RANBP2: variants seen among roughly 807,000 people sequenced by gnomAD.
RANBP2 encodes E3 SUMO-protein ligase RanBP2.
Under a neutral mutation model 303.6 loss-of-function variants are expected in RANBP2, and 57 were observed. The ratio of observed to expected loss-of-function variants is 0.19; its 90% CI spans 0.15 to 0.23. The LOEUF is 0.23. RANBP2 is among the 10% of genes least tolerant of loss of function. The probability of loss-of-function intolerance (pLI) is 1.00; values close to 1 mark genes in which losing one functional copy is unlikely to be tolerated. For missense variants in RANBP2, 3,138 were observed against 3,780.8 expected, an observed-to-expected ratio of 0.83 and a Z score of 4.46; for synonymous variants, 1,167 against 1,301.5, an observed-to-expected ratio of 0.90 and a Z score of 2.23.
the RANBP2 span, among the ~76,000 whole-genome samples, chr2:108,977,707 G>A: frequency 6.6e-6 from 1 of 152,172 alleles, no homozygotes; most frequent in Non-Finnish European, 1.5e-5. Flanking sequence ...TGCTGACAAA[G>A]CCCTGGAGAT....
the RANBP2 span, chr2:109,432,765 G>C: frequency 7.5e-6 from 11 of 1,458,844 alleles, no homozygotes; most frequent in African/African-American, 1.4e-5. Flanking sequence ...TCTGTCAGCC[G>C]GGCCCAGAAG....
At chr2:109,135,511 G>T in the RANBP2 span, among the ~76,000 whole-genome samples, 1 of 152,240 alleles carries the variant, frequency 6.6e-6, no homozygotes, top group Non-Finnish European at 1.5e-5. Flanking sequence ...GTGATTGGCT[G>T]TCGTTTCAGT....
chr2:109,449,623 C>T, the RANBP2 span: 1 of 1,196,706 alleles, frequency 8.4e-7, no homozygotes, highest in South Asian at 1.6e-5. Flanking sequence ...CTAGATGAAC[C>T]AGGCGTGTGA....
the RANBP2 span, among the ~76,000 whole-genome samples, chr2:109,431,312 T>G: frequency 6.6e-6 from 1 of 152,224 alleles, no homozygotes; most frequent in Admixed American, 6.5e-5. Flanking sequence ...CTTTGGTCTC[T>G]TAGTGAACTG....
chr2:108,981,973 G>C, the RANBP2 span, among the ~76,000 whole-genome samples: 2 of 152,234 alleles, frequency 1.3e-5, no homozygotes, highest in South Asian at 4.1e-4. Context: ...CACTGTGCTA[G>C]GTGCCAGAGA....
chr2:109,607,435 T>C, the RANBP2 span, among the ~76,000 whole-genome samples: 2 of 152,152 alleles, frequency 1.3e-5, no homozygotes, highest in African/African-American at 4.8e-5. Flanking sequence ...GGGCAGTACC[T>C]GTATTATCTC....
At chr2:108,888,727 A>G in the RANBP2 span, among the ~76,000 whole-genome samples, 128 of 151,174 alleles carry the variant, frequency 8.5e-4, no homozygotes, top group African/African-American at 2.9e-3. Context: ...CCGTGTATCA[A>G]TTTTTTTTAT....
At chr2:109,116,559 C>A in the RANBP2 span, among the ~76,000 whole-genome samples, 1 of 152,294 alleles carries the variant, frequency 6.6e-6, no homozygotes, top group East Asian at 1.9e-4. Flanking sequence ...TTTTCAACTT[C>A]TTTGCCTTTG....
chr2:109,026,671 T>A, the RANBP2 span, among the ~76,000 whole-genome samples: 1 of 152,118 alleles, frequency 6.6e-6, no homozygotes, highest in Non-Finnish European at 1.5e-5. Flanking sequence ...CTCGGCACCC[T>A]CTAGGTGGGG....
At chr2:108,918,590 C>T in the RANBP2 span, among the ~76,000 whole-genome samples, 5 of 152,244 alleles carry the variant, frequency 3.3e-5, no homozygotes, top group East Asian at 1.9e-4. Flanking sequence ...TGAAAATGAG[C>T]GGGGACTGGT....
the RANBP2 span, among the ~76,000 whole-genome samples, chr2:109,287,425 T>C: frequency 1.3e-5 from 2 of 152,106 alleles, no homozygotes; most frequent in Non-Finnish European, 2.9e-5. Flanking sequence ...TATAAAATCT[T>C]TTCTTGAGGT....
chr2:109,484,955 G>A, the RANBP2 span, among the ~76,000 whole-genome samples: 632 of 152,318 alleles, frequency 4.1e-3, 2 homozygotes, highest in African/African-American at 0.013. Flanking sequence ...TAAAGTGTAC[G>A]ATTGTGTTCA....
chr2:109,700,523 T>C, the RANBP2 span, among the ~76,000 whole-genome samples: 4 of 152,022 alleles, frequency 2.6e-5, no homozygotes, highest in Non-Finnish European at 4.4e-5. Context: ...TTGCATTCTT[T>C]TGAGTGTCTG....
the RANBP2 span, among the ~76,000 whole-genome samples, chr2:109,714,759 C>G: frequency 1.3e-5 from 2 of 151,278 alleles, no homozygotes; most frequent in African/African-American, 4.9e-5. Context: ...CAGGTGTGTG[C>G]CACCACCACC....
At chr2:109,327,256 A>G in the RANBP2 span, among the ~76,000 whole-genome samples, 24 of 152,168 alleles carry the variant, frequency 1.6e-4, no homozygotes, top group Non-Finnish European at 2.2e-4. Flanking sequence ...TTCTTTTTCC[A>G]TCTAGATAAC....
the RANBP2 span, among the ~76,000 whole-genome samples, chr2:108,988,353 C>T: frequency 2.6e-5 from 4 of 152,290 alleles, no homozygotes; most frequent in South Asian, 2.1e-4. Flanking sequence ...ACCCACCCCA[C>T]GGTCTGTCAG....
the RANBP2 span, among the ~76,000 whole-genome samples, chr2:109,135,873 A>G: frequency 2.0e-5 from 3 of 152,190 alleles, no homozygotes; most frequent in Non-Finnish European, 4.4e-5. Flanking sequence ...CTTCATTAAA[A>G]GGGAAAAAAC....
chr2:109,669,039 G>C, the RANBP2 span, among the ~76,000 whole-genome samples: 1 of 152,106 alleles, frequency 6.6e-6, no homozygotes, highest in Non-Finnish European at 1.5e-5. Context: ...AAAGGGAATA[G>C]AGGACCCAGA....
chr2:108,838,141 C>T, the RANBP2 span, among the ~76,000 whole-genome samples: 1 of 151,974 alleles, frequency 6.6e-6, no homozygotes, highest in African/African-American at 2.4e-5. Flanking sequence ...AGAATATTGC[C>T]TCCTGGGATA....
Sources: gnomAD v4.1 joint callset for allele counts (sites outside exome capture counted in the v4.1 genomes callset) on GRCh38, gnomAD v4.1.1 for gene constraint, MANE v1.5 for transcripts, NCBI Gene and HGNC (gene_info 2026-07-23, HGNC 2026-07-21) for gene names.